The following GRIA1 variants were observed in gnomAD, a reference collection of about 807,000 sequenced individuals.
The protein encoded by GRIA1 is glutamate receptor 1.
GRIA1 carries 31 observed loss-of-function variants against 99.2 expected under a neutral mutation model. The ratio of observed to expected loss-of-function variants is 0.31; its 90% CI spans 0.23 to 0.42. GRIA1 has a LOEUF of 0.42. GRIA1 is among the 10% of genes least tolerant of loss of function. The pLI, the probability that GRIA1 is intolerant of heterozygous loss-of-function variation, is 1.00. For synonymous variants in GRIA1, 438 were observed against 432.4 expected (o/e 1.01, Z -0.16); for missense variants, 782 against 1,157.5 (o/e 0.68, Z 4.71).
intron 5 of GRIA1, among the ~76,000 whole-genome samples, chr5:153,659,785 C>A (rs926074346): frequency 1.3e-5 from 2 of 152,100 alleles, no homozygotes; most frequent in Non-Finnish European, 2.9e-5. Flanking sequence ...TTTTAAAATT[C>A]TCATAGAGAA....
intron 11 of GRIA1, among the ~76,000 whole-genome samples, chr5:153,728,719 A>G (rs201565726): frequency 0.086 from 5,193 of 60,648 alleles, 28 homozygotes; most frequent in East Asian, 0.28. Context: ...GCAGTCATTA[A>G]AAAGTCAGGA....
chr5:153,672,603 A>T (rs986971991), intron 5 of GRIA1, among the ~76,000 whole-genome samples: 83 of 150,698 alleles, frequency 5.5e-4, no homozygotes, highest in African/African-American at 1.9e-3. Context: ...GCAGAACTTT[A>T]GAGGCATAGG....
At chr5:153,494,093 G>T in intron 2 of GRIA1, 28 bp downstream of exon 2, 1 of 1,609,922 alleles carries the variant, frequency 6.2e-7, no homozygotes. Flanking sequence ...TTTCTGAGAT[G>T]TCTTTCTGCG....
At chr5:153,611,833 C>T (rs1493384) in intron 2 of GRIA1, among the ~76,000 whole-genome samples, 39 of 152,216 alleles carry the variant, frequency 2.6e-4, no homozygotes, top group African/African-American at 8.7e-4. Flanking sequence ...GTTCTCTCAC[C>T]GGCTCATTTG....
intron 3 of GRIA1, among the ~76,000 whole-genome samples, chr5:153,648,817 C>T (rs906235014): frequency 4.0e-5 from 6 of 150,280 alleles, no homozygotes; most frequent in Admixed American, 2.0e-4. Context: ...AAAATAATAT[C>T]TGTGAATAAT....
chr5:153,597,249 G>A (rs1288275094), intron 2 of GRIA1, among the ~76,000 whole-genome samples: 1 of 152,174 alleles, frequency 6.6e-6, no homozygotes, highest in Non-Finnish European at 1.5e-5. Flanking sequence ...TCAACTCTTA[G>A]TACGTTCAGG....
At chr5:153,563,290 A>G (rs527963146) in intron 2 of GRIA1, among the ~76,000 whole-genome samples, 1 of 151,874 alleles carries the variant, frequency 6.6e-6, no homozygotes, top group Non-Finnish European at 1.5e-5. Flanking sequence ...GTGCCCTCTG[A>G]GAGTTATTTT....
Position 153,677,162 on chromosome 5 carries a change from G to T in GRIA1, c.1029+1G>T. 1 of 1,466,084 alleles carries T rather than the reference G, an allele frequency of 6.8e-7. No individual in the cohort carries two copies. 90.8% of individuals were successfully genotyped at this position (1,466,084 alleles called of 1,614,324 possible). ...CGACATCCAGAGAGCTCTGCAGCAG[G>T]TAAGACCACCAATGTTTGCCCCATC... On this transcript the variant is annotated splice_donor_variant, in intron 7 of 15. Coordinates refer to ENST00000285900, the MANE Select transcript of GRIA1 (RefSeq NM_000827.4). LOFTEE classifies it high-confidence loss of function.
chr5:153,637,350 A>C (rs1294816324), intron 2 of GRIA1, among the ~76,000 whole-genome samples: 10 of 152,198 alleles, frequency 6.6e-5, no homozygotes, highest in Admixed American at 6.5e-4. Context: ...ACAGCTGTCT[A>C]GGCTTTTATC....
At chr5:153,725,244 G>C (rs1000521070) in intron 11 of GRIA1, among the ~76,000 whole-genome samples, 48 of 151,326 alleles carry the variant, frequency 3.2e-4, no homozygotes, top group Admixed American at 5.3e-4. Context: ...GCTCCTGAAG[G>C]AAGCACTAAA....
chr5:153,549,589 A>C (rs2113533653), intron 2 of GRIA1, among the ~76,000 whole-genome samples: 1 of 152,280 alleles, frequency 6.6e-6, no homozygotes, highest in Middle Eastern at 3.4e-3. Flanking sequence ...GCTCAAGGCA[A>C]CAACATCCAA....
chr5:153,580,068 A>G (rs565631482), intron 2 of GRIA1, among the ~76,000 whole-genome samples: 9 of 152,300 alleles, frequency 5.9e-5, no homozygotes, highest in Admixed American at 5.2e-4. Flanking sequence ...GTTTTCTGCC[A>G]ACTGCTCAAG....
chr5:153,611,414 T>A (rs1561688606), intron 2 of GRIA1, among the ~76,000 whole-genome samples: 1 of 152,188 alleles, frequency 6.6e-6, no homozygotes, highest in Non-Finnish European at 1.5e-5. Flanking sequence ...TCTGTCTGAA[T>A]CTCCTTTGGT....
At chr5:153,505,233 A>G (rs1755382394) in intron 2 of GRIA1, among the ~76,000 whole-genome samples, 1 of 152,248 alleles carries the variant, frequency 6.6e-6, no homozygotes, top group Non-Finnish European at 1.5e-5. Flanking sequence ...TGGTTTAGCT[A>G]CAAAGGTCAA....
intron 13 of GRIA1, among the ~76,000 whole-genome samples, chr5:153,779,674 T>A (rs1291807357): frequency 6.6e-6 from 1 of 152,190 alleles, no homozygotes; most frequent in Non-Finnish European, 1.5e-5. Flanking sequence ...GTGATTCTCC[T>A]GCCTCAGCCT....
At chr5:153,684,678 T>C (rs1439518972) in intron 7 of GRIA1, among the ~76,000 whole-genome samples, 1 of 152,200 alleles carries the variant, frequency 6.6e-6, no homozygotes, top group Non-Finnish European at 1.5e-5. Flanking sequence ...ACACTAAAGA[T>C]TGGCAAGAGA....
intron 2 of GRIA1, among the ~76,000 whole-genome samples, chr5:153,591,693 G>A (rs928507768): frequency 3.3e-5 from 5 of 152,146 alleles, no homozygotes; most frequent in African/African-American, 1.2e-4. Flanking sequence ...GGAAGGGGTT[G>A]GGACCATAAG....
chr5:153,811,159 G>C lies in GRIA1; in HGVS notation c.2655G>C (p.Lys885Asn). ...GGGTGGTCAGCCATGACTTCCCCAA[G>C]TCCATGCAATCGATTCCTTGCATGA... Reference protein sequence around the residue: ...NGRVVSHDFPKSMQSIPCMSH... With the variant: ...NGRVVSHDFPNSMQSIPCMSH... Residue 885 changes from lysine to asparagine, a missense_variant, in exon 16 of 16, where the codon AAG becomes AAC. Around this residue, in one of 5 missense-constraint regions of GRIA1, gnomAD observed 76 missense variants for 81.2 expected, o/e 0.94. Coordinates refer to ENST00000285900, the MANE Select transcript of GRIA1 (RefSeq NM_000827.4). 1 of 1,614,176 alleles carries C rather than the reference G, an allele frequency of 6.2e-7. No individual in the cohort carries two copies. The highest frequency in any genetic ancestry group is 8.5e-7 in the Non-Finnish European group (1 of 1,180,026).
intron 2 of GRIA1, among the ~76,000 whole-genome samples, chr5:153,574,994 C>G (rs1325660906): frequency 6.6e-6 from 1 of 152,088 alleles, no homozygotes; most frequent in Non-Finnish European, 1.5e-5. Context: ...TTGTGCTGTG[C>G]TCAAATGCCT....
Sources: allele counts gnomAD v4.1 joint callset (sites outside exome capture counted in the v4.1 genomes callset), GRCh38; gene constraint gnomAD v4.1.1; regional missense constraint gnomAD v4.1.1; transcripts MANE v1.5; gene names NCBI Gene and HGNC (gene_info 2026-07-23, HGNC 2026-07-21).